Variants in SLC11A2 observed in about 807,000 individuals in gnomAD.
SLC11A2 encodes the protein natural resistance-associated macrophage protein 2.
In SLC11A2, 38 loss-of-function variants were observed where a neutral mutation model predicts 68.0. The observed-to-expected ratio is 0.56, with a 90% CI of 0.43 to 0.73. The LOEUF is 0.73. Ranked by LOEUF, SLC11A2 falls within the 30% of genes least tolerant of loss-of-function variation. SLC11A2 has a pLI of 0.00. For missense variants in SLC11A2, 517 were observed against 690.5 expected (o/e 0.75, Z 2.82); for synonymous variants, 242 against 250.6 (o/e 0.97, Z 0.32).
chr12:50,961,484 C>A, the SLC11A2 span, among the ~76,000 whole-genome samples: 1 of 151,542 alleles, frequency 6.6e-6, no homozygotes, highest in Admixed American at 6.6e-5. Flanking sequence ...ATCTGAACAG[C>A]AAATGTAGTT....
downstream of SLC11A2, among the ~76,000 whole-genome samples, chr12:50,984,186 C>T (rs527864611): frequency 1.2e-4 from 18 of 151,894 alleles, no homozygotes; most frequent in South Asian, 1.0e-3. Context: ...TGTGAGTCTT[C>T]GACACATATA....
intron 8 of SLC11A2, among the ~76,000 whole-genome samples, chr12:50,997,678 T>TTA (rs1431837081): frequency 1.2e-3 from 1 of 864 alleles, no homozygotes; most frequent in Non-Finnish European, 5.3e-3. Flanking sequence ...AGACTCTGTC[T>TTA]CAAAAAAAAA....
At chr12:51,004,650 G>T in intron 5 of SLC11A2, 138 bp downstream of exon 5, 1 of 852,386 alleles carries the variant, frequency 1.2e-6, no homozygotes, top group Non-Finnish European at 1.9e-6. Context: ...CAGTATTTCC[G>T]TTGGTACCGT....
At chr12:51,025,914 GCCACGA>G in intron 1 of SLC11A2, 1 of 989,430 alleles carries the variant, frequency 1.0e-6, no homozygotes, top group Non-Finnish European at 1.2e-6. Flanking sequence ...CGACGAAGAG[GCCACGA>G]AAGACCTTGC....
chr12:50,998,203 C>A (rs981246957), intron 8 of SLC11A2, among the ~76,000 whole-genome samples: 3 of 149,920 alleles, frequency 2.0e-5, no homozygotes, highest in African/African-American at 7.4e-5. Flanking sequence ...ACTAAAAATA[C>A]AAAAAGTTAG....
chr12:50,995,457 C>T (rs1276264161), intron 10 of SLC11A2, among the ~76,000 whole-genome samples, 172 bp downstream of exon 10: 2 of 152,182 alleles, frequency 1.3e-5, no homozygotes, highest in Admixed American at 6.5e-5. Flanking sequence ...GCTTGGTCAG[C>T]CCCATACTGT....
At chr12:51,012,081 G>A (rs1050960179) in intron 1 of SLC11A2, among the ~76,000 whole-genome samples, 1 of 152,136 alleles carries the variant, frequency 6.6e-6, no homozygotes, top group South Asian at 2.1e-4. Flanking sequence ...ACAACTAGAA[G>A]AAACTAGTCA....
chr12:50,985,110 C>A (rs1387371428), downstream of SLC11A2, among the ~76,000 whole-genome samples: 2 of 152,116 alleles, frequency 1.3e-5, no homozygotes, highest in Non-Finnish European at 2.9e-5. Context: ...CAGGCCAGGC[C>A]TTAGAACACA....
the SLC11A2 span, among the ~76,000 whole-genome samples, chr12:50,961,667 C>T: frequency 7.0e-3 from 1,071 of 152,248 alleles, 20 homozygotes; most frequent in African/African-American, 0.024. Context: ...TCAGGTTATA[C>T]CCAGAGCTAA....
downstream of SLC11A2, chr12:50,981,246 T>C (rs996959273): frequency 8.5e-5 from 13 of 152,736 alleles, no homozygotes; most frequent in African/African-American, 2.9e-4. Context: ...CTTTACAAGA[T>C]AGTCAATTTG....
chr12:50,999,461 GA>G, intron 6 of SLC11A2, 46 bp from the exon 7 acceptor site: 1 of 1,463,046 alleles, frequency 6.8e-7, no homozygotes, highest in South Asian at 1.1e-5. Context: ...GGAAAGAAAG[GA>G]AACATTGAAA....
intron 3 of SLC11A2, among the ~76,000 whole-genome samples, chr12:51,007,046 TGTCA>T (rs1942789623): frequency 6.6e-6 from 1 of 151,924 alleles, no homozygotes; most frequent in Admixed American, 6.6e-5. Flanking sequence ...CTGCACCCAG[TGTCA>T]ATCAATTTCC....
chr12:51,014,695 A>T (rs1311613688), intron 1 of SLC11A2, among the ~76,000 whole-genome samples: 1 of 151,972 alleles, frequency 6.6e-6, no homozygotes, highest in Non-Finnish European at 1.5e-5. Context: ...TCTACTAAAA[A>T]TACAAACATT....
the SLC11A2 span, chr12:50,970,313 G>T: frequency 3.0e-6 from 2 of 663,394 alleles, no homozygotes; most frequent in Non-Finnish European, 5.3e-6. Context: ...CCAAAAACTA[G>T]TAAGAAGGAG....
At chr12:50,977,226 C>T (rs145648276), downstream of SLC11A2, among the ~76,000 whole-genome samples, 6 of 152,092 alleles carry the variant, frequency 3.9e-5, no homozygotes, top group East Asian at 3.9e-4. Context: ...GGAAGCATCA[C>T]GCTACCTGAC....
In SLC11A2 at chr12:50,987,084, A is replaced by T; in HGVS notation, c.*1241T>A. ...AGGCTCGGTATGTAAAAATGTCAGA[A>T]GTGGCTGAAGTAAAAGCAGCAGCTT... On this transcript the variant is annotated 3_prime_UTR_variant, in exon 16 of 16. Transcript: ENST00000262052. The T allele has an allele frequency of 7.8e-7, 1 of 1,286,482 alleles. No homozygotes were observed. The highest frequency in any genetic ancestry group is 1.0e-6 in the Non-Finnish European group (1 of 988,400). The allele number at this position is 1,286,482 out of a possible 1,614,324, so 79.7% of individuals were successfully genotyped here. A position where few individuals can be genotyped will look rare whatever the true frequency, so the allele number is the denominator to read the frequency against.
rs1940803443 is a variant in SLC11A2, at chr12:50,988,323, T to C, written c.*2A>G. ...ACCTGCAGAAGACAGACTAATCCAG[T>C]GTTATTTAACGTAGCCACGGGTGGC... On this transcript the variant is annotated 3_prime_UTR_variant, in exon 16 of 16. Transcript: ENST00000262052. The C allele has an allele frequency of 6.2e-7, 1 of 1,613,824 alleles. No homozygotes were observed. The highest frequency in any genetic ancestry group is 1.1e-5 in the South Asian group (1 of 91,088).
Position 50,994,692 on chromosome 12 carries a change from CTCCTACATA to C in SLC11A2, c.991-71_991-63del, listed in dbSNP as rs945116847. 1.0e-5 allele frequency: 9 copies of C among 904,434 alleles called. No homozygotes were observed. In the African/African-American group the frequency reaches 1.5e-4, roughly 15 times the overall value. The allele number at this position is 904,434 out of a possible 1,614,324, so 56.0% of individuals were successfully genotyped here. A position where few individuals can be genotyped will look rare whatever the true frequency, so the allele number is the denominator to read the frequency against. On this transcript the variant is annotated intron_variant, in intron 10 of 15. Transcript: ENST00000262052. ...CAGAAGCAAGGACCAAATAAGAGCT[CTCCTACATA>C]TCATACACAATCATCTATAAGAGGT...
intron 1 of SLC11A2, among the ~76,000 whole-genome samples, chr12:51,011,240 T>G (rs1285235926): frequency 6.6e-6 from 1 of 151,848 alleles, no homozygotes; most frequent in East Asian, 2.0e-4. Context: ...GTGATTCTCC[T>G]GCCTCAGCCT....
Sources: allele counts gnomAD v4.1 joint callset (sites outside exome capture counted in the v4.1 genomes callset), GRCh38; gene constraint gnomAD v4.1.1; transcripts MANE v1.5; gene names NCBI Gene and HGNC (gene_info 2026-07-23, HGNC 2026-07-21).